Variants in STIM2 observed in about 807,000 individuals in gnomAD.
STIM2 encodes stromal interaction molecule 2.
In STIM2, 31 loss-of-function variants were observed where a neutral mutation model predicts 85.8. The ratio of observed to expected loss-of-function variants is 0.36; its 90% CI spans 0.27 to 0.49. The LOEUF (loss-of-function observed/expected upper bound fraction) is 0.49, where lower values mean the gene tolerates loss of function less well. Among genes scored for constraint, STIM2 ranks in the 20% least tolerant of loss-of-function variants. The pLI, the probability that STIM2 is intolerant of heterozygous loss-of-function variation, is 0.98. For synonymous variants in STIM2, 356 were observed against 331.1 expected (o/e 1.08, Z -0.82); for missense variants, 841 against 927.6 (o/e 0.91, Z 1.21).
chr4:26,934,977 G>T (rs553321574), intron 2 of STIM2, among the ~76,000 whole-genome samples: 1 of 148,004 alleles, frequency 6.8e-6, no homozygotes, highest in Admixed American at 6.7e-5. Context: ...GGGAAAAAAA[G>T]CAGAGAATGA....
Position 26,978,688 on chromosome 4 carries a change from G to A in STIM2, c.398-16691G>A, listed in dbSNP as rs146660875. Among the ~76,000 whole-genome samples, 17 of 152,190 alleles carry A rather than the reference G, an allele frequency of 1.1e-4. No individual in the cohort carries two copies. The East Asian group carries it at 3.3e-3, about 29-fold the overall frequency. ...TCTGCTGCTGTGACCTCCAGAATGGGGTCCTGTGATTACTTCTTTCCCCAT... is the reference window on the plus strand; with the variant it reads ...TCTGCTGCTGTGACCTCCAGAATGGAGTCCTGTGATTACTTCTTTCCCCAT... On this transcript the variant is annotated intron_variant, in intron 3 of 11. Coordinates refer to ENST00000467087, the MANE Select transcript of STIM2 (RefSeq NM_020860.4).
rs1255567451 is a variant in STIM2, at chr4:27,012,940, T to TTTTAATCTG, written c.1489+3944_1489+3952dup. Among the ~76,000 whole-genome samples the TTTTAATCTG allele has an allele frequency of 3.3e-5, 5 of 152,204 alleles. No individual in the cohort carries two copies. In the South Asian group the frequency reaches 6.2e-4, roughly 19 times the overall value. ...ATCATTCGTTTTTTATTCTGCTGAATTTTAATCTGTTTAAATAAATCCTTT... is the reference window on the plus strand; with the variant it reads ...ATCATTCGTTTTTTATTCTGCTGAATTTTAATCTGTTTAATCTGTTTAAATAAATCCTTT... On this transcript the variant is annotated intron_variant, in intron 10 of 11. Transcript: ENST00000467087.
At chr4:27,009,881 T>A (rs1407259729) in intron 10 of STIM2, among the ~76,000 whole-genome samples, 1 of 152,250 alleles carries the variant, frequency 6.6e-6, no homozygotes, top group Non-Finnish European at 1.5e-5. Context: ...ACTATAGCTT[T>A]TAAAAGTTGA....
At chr4:26,937,591 A>G (rs1725439968) in intron 2 of STIM2, among the ~76,000 whole-genome samples, 2 of 152,018 alleles carry the variant, frequency 1.3e-5, no homozygotes, top group African/African-American at 2.4e-5. Context: ...TTAGCCTTGT[A>G]TTATTATTAT....
At chr4:26,873,410 A>G (rs993717361) in intron 1 of STIM2, among the ~76,000 whole-genome samples, 3 of 152,116 alleles carry the variant, frequency 2.0e-5, no homozygotes, top group African/African-American at 7.2e-5. Context: ...TAAAAAAAAA[A>G]AAAAAGTCCT....
chr4:26,900,571 C>A (rs1723882020), intron 1 of STIM2, among the ~76,000 whole-genome samples: 1 of 152,028 alleles, frequency 6.6e-6, no homozygotes, highest in African/African-American at 2.4e-5. Flanking sequence ...ACTAGAAATT[C>A]AGTTGAAATT....
intron 1 of STIM2, among the ~76,000 whole-genome samples, chr4:26,893,102 T>C (rs2109046271): frequency 6.6e-6 from 1 of 152,334 alleles, no homozygotes; most frequent in East Asian, 1.9e-4. Flanking sequence ...GGCACTAATG[T>C]ATGCAGTTTT....
chr4:26,885,936 T>C (rs1723231906), intron 1 of STIM2, among the ~76,000 whole-genome samples: 1 of 147,358 alleles, frequency 6.8e-6, no homozygotes, highest in Non-Finnish European at 1.5e-5. Context: ...GACATTCCAT[T>C]ATGGCTTATT....
chr4:26,928,460 A>C (rs1725070918), intron 2 of STIM2, among the ~76,000 whole-genome samples: 1 of 152,198 alleles, frequency 6.6e-6, no homozygotes, highest in Non-Finnish European at 1.5e-5. Context: ...CCTATTTGTA[A>C]TTGATTGCAT....
Position 27,022,647 on chromosome 4 carries a change from C to G in STIM2, c.1892C>G (p.Ser631Cys). The G allele has an allele frequency of 6.2e-7, 1 of 1,614,194 alleles. No homozygotes were observed. Among genetic ancestry groups the G allele is most frequent in the East Asian group, 2.2e-5 (1 of 44,884 alleles). Reference sequence around the variant, plus strand: ...CGAAAGATATCAAGAGATGAGGTGTCCCTAGAGGATTCCTCCCGAGGGGAT... The same window carrying G: ...CGAAAGATATCAAGAGATGAGGTGTGCCTAGAGGATTCCTCCCGAGGGGAT... The change falls in exon 12 of 12, where the codon TCC (serine) becomes TGC (cysteine). Residue 631 changes from serine to cysteine, a missense_variant. This residue lies in a region of STIM2 where 293 missense variants were observed against 284.5 expected (regional missense o/e 1.03). Transcript: ENST00000467087.
chr4:26,978,915 T>C (rs1258785064), intron 3 of STIM2, among the ~76,000 whole-genome samples: 1 of 152,192 alleles, frequency 6.6e-6, no homozygotes, highest in Non-Finnish European at 1.5e-5. Context: ...AAAATATAGC[T>C]ACTCTTTCAG....
chr4:26,916,943 T>A (rs1724605260), intron 1 of STIM2, among the ~76,000 whole-genome samples: 1 of 152,184 alleles, frequency 6.6e-6, no homozygotes, highest in South Asian at 2.1e-4. Context: ...CTCTCTTATC[T>A]CTTTAATTCC....
At chr4:26,966,928 A>C (rs765930926) in intron 3 of STIM2, among the ~76,000 whole-genome samples, 9 of 152,316 alleles carry the variant, frequency 5.9e-5, no homozygotes, top group East Asian at 1.9e-4. Context: ...CTTCAATAAA[A>C]GGTCCTCAGT....
chr4:26,964,700 T>C (rs1267574900), intron 3 of STIM2, among the ~76,000 whole-genome samples: 1 of 152,180 alleles, frequency 6.6e-6, no homozygotes, highest in Non-Finnish European at 1.5e-5. Context: ...AAAGCCCTTG[T>C]CCTAGGTACA....
chr4:26,915,342 C>G (rs1724496804), intron 1 of STIM2, among the ~76,000 whole-genome samples: 1 of 152,200 alleles, frequency 6.6e-6, no homozygotes. Context: ...TCAAGCGATT[C>G]TCCTGTCTCA....
chr4:26,962,653 G>A (rs1726526893), intron 3 of STIM2, among the ~76,000 whole-genome samples: 1 of 151,432 alleles, frequency 6.6e-6, no homozygotes, highest in Non-Finnish European at 1.5e-5. Flanking sequence ...GTTGCACATG[G>A]CAGCTGTCTA....
chr4:27,006,000 A>T (rs1204062508), intron 7 of STIM2, among the ~76,000 whole-genome samples: 1 of 152,174 alleles, frequency 6.6e-6, no homozygotes, highest in African/African-American at 2.4e-5. Flanking sequence ...TTGTGGTGTT[A>T]TGCAGGTCTG....
At chr4:26,938,200 A>G (rs1426891078) in intron 2 of STIM2, among the ~76,000 whole-genome samples, 2 of 151,904 alleles carry the variant, frequency 1.3e-5, no homozygotes, top group Non-Finnish European at 2.9e-5. Flanking sequence ...TTAAAACAAA[A>G]AAATGTCCCC....
intron 10 of STIM2, among the ~76,000 whole-genome samples, chr4:27,013,633 A>G (rs1170148483): frequency 2.0e-5 from 3 of 152,000 alleles, no homozygotes; most frequent in Non-Finnish European, 4.4e-5. Flanking sequence ...TTTACTCAGG[A>G]CACTGAGTGG....
Sources: gnomAD v4.1 joint callset for allele counts (sites outside exome capture counted in the v4.1 genomes callset) on GRCh38, gnomAD v4.1.1 for gene constraint, gnomAD v4.1.1 regional missense constraint, MANE v1.5 for transcripts, NCBI Gene and HGNC (gene_info 2026-07-23, HGNC 2026-07-21) for gene names.